The following POLR3K variants were observed in gnomAD, a reference collection of about 807,000 sequenced individuals.
POLR3K encodes DNA-directed RNA polymerase III subunit RPC10.
In POLR3K, 11 loss-of-function variants were observed where a neutral mutation model predicts 13.5. The ratio of observed to expected loss-of-function variants is 0.81; its 90% CI spans 0.51 to 1.35. The LOEUF is 1.35. POLR3K is among the 40% of genes most tolerant of loss of function. POLR3K has a pLI of 0.00. For synonymous variants in POLR3K, 56 were observed against 51.5 expected, an observed-to-expected ratio of 1.09 and a Z score of -0.38; for missense variants, 144 against 145.3, an observed-to-expected ratio of 0.99 and a Z score of 0.05.
At chr16:48,297 A>G (rs565746279) in intron 2 of POLR3K, among the ~76,000 whole-genome samples, 2 of 152,244 alleles carry the variant, frequency 1.3e-5, no homozygotes, top group East Asian at 3.9e-4. Context: ...TGTAACACTA[A>G]GGGAATCTGG....
Position 47,404 on chromosome 16 carries a change from A to C in POLR3K, c.*26T>G, listed in dbSNP as rs373618730. 25 of 1,609,050 alleles carry C rather than the reference A, an allele frequency of 1.6e-5. No homozygotes were observed. The African/African-American group carries it at 3.1e-4, about 20-fold the overall frequency. On this transcript the variant is annotated 3_prime_UTR_variant, in exon 3 of 3. Coordinates refer to ENST00000293860, the MANE Select transcript of POLR3K (RefSeq NM_016310.5). ...ACCCCGAGGGACAAGGCAAGCACAC[A>C]CTAGGGCAGCTGGGCCATCCTGGCC...
chr16:51,756 G>T, intron 1 of POLR3K, 111 bp from the exon 2 acceptor site: 2 of 823,880 alleles, frequency 2.4e-6, no homozygotes, highest in East Asian at 2.7e-5. Flanking sequence ...CGTGGTGGCT[G>T]ACACCTGTAA....
In POLR3K at chr16:46,526, A is replaced by G. The variant is rs934081699; in HGVS notation, c.*904T>C. 6.6e-6 allele frequency: 1 copy of G among 152,116 alleles called. No individual in the cohort carries two copies. The highest frequency in any genetic ancestry group is 1.5e-5 in the Non-Finnish European group (1 of 68,028). The allele number at this position is 152,116 out of a possible 1,614,324, so 9.4% of individuals were successfully genotyped here. ...GATTATCTGAGGTCAGGAGTTGGAG[A>G]CCAGCCCGACCAACATGGAGAAACC... On this transcript the variant is annotated 3_prime_UTR_variant, in exon 3 of 3. Coordinates refer to ENST00000293860, the MANE Select transcript of POLR3K (RefSeq NM_016310.5).
intron 2 of POLR3K, among the ~76,000 whole-genome samples, chr16:50,186 T>C (rs1315204355): frequency 6.6e-6 from 1 of 152,064 alleles, no homozygotes; most frequent in Non-Finnish European, 1.5e-5. Context: ...CTCGAACTCC[T>C]GACCTCAGGT....
At chr16:51,708 T>C in intron 1 of POLR3K, 63 bp from the exon 2 acceptor site, 14 of 1,388,026 alleles carry the variant, frequency 1.0e-5, no homozygotes, top group Non-Finnish European at 1.4e-5. Context: ...CTGCCAAACC[T>C]TAAATTTCAG....
intron 2 of POLR3K, among the ~76,000 whole-genome samples, chr16:50,296 CCAT>C (rs1483939764): frequency 6.6e-6 from 1 of 152,032 alleles, no homozygotes; most frequent in Non-Finnish European, 1.5e-5. Flanking sequence ...ACAGTACTAA[CCAT>C]CAGTTATCTC....
At chr16:51,178 T>A (rs1897327643) in intron 2 of POLR3K, among the ~76,000 whole-genome samples, 1 of 152,218 alleles carries the variant, frequency 6.6e-6, no homozygotes, top group Non-Finnish European at 1.5e-5. Flanking sequence ...TTTATTAATC[T>A]ACTCATCATT....
rs540652998 is a variant in POLR3K, at chr16:48,630, T to C, written c.200-1073A>G. Among the ~76,000 whole-genome samples the C allele has an allele frequency of 1.5e-4, 22 of 151,312 alleles. 1 individual carries two copies. Among genetic ancestry groups the C allele is most frequent in the African/African-American group, 4.9e-4 (20 of 41,160 alleles). ...ATCGAGACCATCCTGGCTAACATGG[T>C]GAAACCCCGTCTCTACTAAAAACAC... On this transcript the variant is annotated intron_variant, in intron 2 of 2. Transcript: ENST00000293860.
In POLR3K at chr16:46,722, T is replaced by A. The variant is rs1174055230; in HGVS notation, c.*708A>T. The A allele has an allele frequency of 3.4e-5, 4 of 116,366 alleles. No homozygotes were observed. The highest frequency in any genetic ancestry group is 5.1e-5 in the Non-Finnish European group (3 of 58,272). 7.2% of individuals were successfully genotyped at this position (116,366 alleles called of 1,614,324 possible). A position where few individuals can be genotyped will look rare whatever the true frequency, so the allele number is the denominator to read the frequency against. The stretch of plus-strand genomic sequence containing the variant: ...CTGGGCGACAGAACAAGACTCTGTC[T>A]TAAATAAATAAATAAATAAATAAAA... On this transcript the variant is annotated 3_prime_UTR_variant, in exon 3 of 3. Transcript: ENST00000293860.
chr16:52,034 AC>A (rs954993547), intron 1 of POLR3K: 4 of 174,750 alleles, frequency 2.3e-5, no homozygotes, highest in African/African-American at 7.2e-5. Flanking sequence ...AAAAAAAAAA[AC>A]AAAGAGTTCA....
Position 53,581 on chromosome 16 carries a change from C to G in POLR3K, c.6G>C (p.Leu2=), listed in dbSNP as rs768531663. The G allele has an allele frequency of 1.9e-6, 3 of 1,611,818 alleles. No individual in the cohort carries two copies. The South Asian group carries it at 3.3e-5, about 18-fold the overall frequency. Residue 2 remains leucine, a synonymous_variant, in exon 1 of 3, where the codon CTG becomes CTC. Transcript: ENST00000293860. ...CGTTCCCGCAGCCGGGGCAGAACAG[C>G]AGCATGGTCTCGAACTCCGCAGGCT... is the stretch of plus-strand genomic sequence containing the variant. M[L]LFCPGCGNGL... is the part of the protein sequence containing the mutation.
At chr16:50,211 G>C (rs1273841871) in intron 2 of POLR3K, among the ~76,000 whole-genome samples, 1 of 152,020 alleles carries the variant, frequency 6.6e-6, no homozygotes, top group Non-Finnish European at 1.5e-5. Context: ...CGCCCGCCTC[G>C]GCCTCCCAAA....
chr16:53,485 G>A lies in POLR3K; in HGVS notation c.102C>T (p.Ile34=), dbSNP rs758900621. The A allele has an allele frequency of 4.0e-5, 64 of 1,611,218 alleles. No homozygotes were observed. Among genetic ancestry groups the A allele is most frequent in the Non-Finnish European group, 5.2e-5 (61 of 1,178,912 alleles). The change falls in exon 1 of 3, where the codon ATC becomes ATT. Residue 34 remains isoleucine, a synonymous_variant. Transcript: ENST00000293860. The part of the protein sequence containing the change: ...ACNTCPYVHN[I]TRKVTNRKYP... ...GGCCTTCGGGTCCCACCTTGCGGGT[G>A]ATGTTGTGCACGTAGGGGCACGTGT...
rs149953038 is a variant in POLR3K at position 53,575 on chromosome 16, G to A, written c.12C>T (p.Phe4=). The A allele has an allele frequency of 3.1e-6, 5 of 1,612,622 alleles. No individual in the cohort carries two copies. Among genetic ancestry groups the A allele is most frequent in the African/African-American group, 1.3e-5 (1 of 75,010 alleles). Residue 4 remains phenylalanine (F), a synonymous_variant, in exon 1 of 3, where the codon TTC becomes TTT. Coordinates refer to ENST00000293860, the MANE Select transcript of POLR3K (RefSeq NM_016310.5). MLL[F]CPGCGNGLIV... ...TCAGCCCGTTCCCGCAGCCGGGGCAGAACAGCAGCATGGTCTCGAACTCCG... is the reference window on the plus strand; with the variant it reads ...TCAGCCCGTTCCCGCAGCCGGGGCAAAACAGCAGCATGGTCTCGAACTCCG...
At chr16:51,520 A>T (rs1157709287) in intron 2 of POLR3K, 38 bp downstream of exon 2, 15 of 1,536,532 alleles carry the variant, frequency 9.8e-6, no homozygotes, top group Non-Finnish European at 1.4e-5. Context: ...CCTCATAATT[A>T]TCCACAGTTT....
intron 1 of POLR3K, chr16:52,119 G>A (rs1897338222): frequency 6.5e-6 from 1 of 154,436 alleles, no homozygotes; most frequent in African/African-American, 2.4e-5. Flanking sequence ...CATTAAGACT[G>A]ACGTAGCACC....
chr16:48,671 C>T (rs890114682), intron 2 of POLR3K, among the ~76,000 whole-genome samples: 8 of 151,310 alleles, frequency 5.3e-5, no homozygotes, highest in Non-Finnish European at 8.8e-5. Context: ...ATTAGCCAGG[C>T]GTGGTGTCGG....
Position 50,347 on chromosome 16 carries a change from C to G in POLR3K, c.199+1211G>C, listed in dbSNP as rs929925851. Among the ~76,000 whole-genome samples, 3 of 152,118 alleles carry G rather than the reference C, an allele frequency of 2.0e-5. No homozygotes were observed. The South Asian group carries it at 6.2e-4, about 31-fold the overall frequency. ...ATATAACTTACATTTACGTCTTCCC[C>G]TTTCCTCTCCTGGCCACATCTATGT... On this transcript the variant is annotated intron_variant, in intron 2 of 2. Transcript: ENST00000293860.
At chr16:47,713 C>A (rs1596456494) in intron 2 of POLR3K, among the ~76,000 whole-genome samples, 156 bp from the exon 3 acceptor site, 1 of 151,518 alleles carries the variant, frequency 6.6e-6, no homozygotes, top group East Asian at 2.0e-4. Flanking sequence ...GAAACCCCAT[C>A]TCTACTAAAA....
Sources: gnomAD v4.1 joint callset for allele counts (sites outside exome capture counted in the v4.1 genomes callset) on GRCh38, gnomAD v4.1.1 for gene constraint, MANE v1.5 for transcripts, NCBI Gene and HGNC (gene_info 2026-07-23, HGNC 2026-07-21) for gene names.